The following YY1AP1 variants were observed in gnomAD, a reference collection of about 807,000 sequenced individuals.
YY1AP1 encodes the protein YY1 associated protein 1.
Under a neutral mutation model 39.9 loss-of-function variants are expected in YY1AP1, and 43 were observed. The observed-to-expected ratio is 1.08, with a 90% CI of 0.84 to 1.39. The LOEUF is 1.39. Ranked by LOEUF, YY1AP1 falls within the 40% of genes most tolerant of loss-of-function variation. YY1AP1 has a pLI of 0.00. For synonymous variants in YY1AP1, 292 were observed against 331.3 expected (o/e 0.88, Z 1.29); for missense variants, 813 against 900.7 (o/e 0.90, Z 1.25).
Position 155,674,992 on chromosome 1 carries a change from G to A in YY1AP1, c.411+18C>T, listed in dbSNP as rs748104729. 1.6e-5 allele frequency: 26 copies of A among 1,602,638 alleles called. No individual in the cohort carries two copies. The highest frequency in any genetic ancestry group is 5.4e-5 in the African/African-American group (4 of 74,576). ...TTTATATTCTAGTCTATAGAATTAC[G>A]GCAATTTGGAAACTTACAAGACATA... On this transcript the variant is annotated intron_variant, in intron 6 of 10. Coordinates refer to ENST00000355499, the MANE Select transcript of YY1AP1 (RefSeq NM_139119.3).
At chr1:155,684,868 G>T (rs114451693) in intron 2 of YY1AP1, among the ~76,000 whole-genome samples, 1 of 152,268 alleles carries the variant, frequency 6.6e-6, no homozygotes, top group African/African-American at 2.4e-5. Context: ...TTACAGGCGT[G>T]AGCCACCCCA....
chr1:155,660,614 T>C lies in YY1AP1; in HGVS notation c.1296A>G (p.Thr432=), dbSNP rs776030584. The C allele has an allele frequency of 1.2e-6, 2 of 1,614,156 alleles. No individual in the cohort carries two copies. The highest frequency in any genetic ancestry group is 1.7e-6 in the Non-Finnish European group (2 of 1,180,020). The change falls in exon 11 of 11, where the codon ACA becomes ACG. Residue 432 remains threonine (T), a synonymous_variant. Coordinates refer to ENST00000355499, the MANE Select transcript of YY1AP1 (RefSeq NM_139119.3). ...CTTCTGAATGAGTTGATTGGGCTGG[T>C]GTTTTCCCAGGGTTGAAGCTGGGCT... is the stretch of plus-strand genomic sequence containing the variant. ...SLQPSFNPGK[T]PAQSTHSEAP...
In YY1AP1 at chr1:155,668,763, C is replaced by G. The variant is rs1649431306; in HGVS notation, c.743G>C (p.Gly248Ala). The stretch of plus-strand genomic sequence containing the variant: ...CTCAGTCCCTTCAAAATGCTTCAGT[C>G]CTAAAGCTAACAAACTGAGAAAGGA... ...TKAEDNLLAL[G>A]LKHFEGTEFL... The change falls in exon 9 of 11, where the codon GGA (glycine) becomes GCA (alanine). Residue 248 changes from glycine (G) to alanine (A), a missense_variant. This residue lies in a region of YY1AP1 where 586 missense variants were observed against 647.4 expected (regional missense o/e 0.91). Coordinates refer to ENST00000355499, the MANE Select transcript of YY1AP1 (RefSeq NM_139119.3). 6.2e-7 allele frequency: 1 copy of G among 1,614,028 alleles called. No homozygotes were observed. The highest frequency in any genetic ancestry group is 8.5e-7 in the Non-Finnish European group (1 of 1,180,046).
intron 9 of YY1AP1, among the ~76,000 whole-genome samples, chr1:155,663,718 CAAAACAAACAAACAAACAAAAACAA>C (rs1250200791): frequency 6.1e-4 from 93 of 151,650 alleles, no homozygotes; most frequent in Non-Finnish European, 1.8e-4. Context: ...GACTCTGTCT[CAAAACAAACAAACAAACAAAAACAA>C]AAAGAAAGTA....
In YY1AP1 at chr1:155,668,711, G is replaced by A. The variant is rs749505683; in HGVS notation, c.795C>T (p.Tyr265=). 6.2e-7 allele frequency: 1 copy of A among 1,614,152 alleles called. No homozygotes were observed. Among genetic ancestry groups the A allele is most frequent in the Non-Finnish European group, 8.5e-7 (1 of 1,180,042 alleles). The stretch of plus-strand genomic sequence containing the variant: ...GGCGGGCAGTCTTGCAGGTTAGAAG[G>A]TACTTGCTGATTAGAGGGTTAAGAA... ...TEFLNPLISK[Y]LLTCKTARQL... is the part of the protein sequence containing the mutation. Residue 265 remains tyrosine (Y), a synonymous_variant, in exon 9 of 11, where the codon TAC becomes TAT. Transcript: ENST00000355499.
chr1:155,665,588 C>T (rs372837131), intron 9 of YY1AP1, among the ~76,000 whole-genome samples: 9 of 150,746 alleles, frequency 6.0e-5, no homozygotes, highest in Non-Finnish European at 7.4e-5. Context: ...GGCAACAAAG[C>T]GAGACTCGGT....
At chr1:155,682,235 CA>C (rs1651625433) in intron 2 of YY1AP1, among the ~76,000 whole-genome samples, 1 of 151,862 alleles carries the variant, frequency 6.6e-6, no homozygotes, top group Non-Finnish European at 1.5e-5. Context: ...TTGGCTATCT[CA>C]TTTTTTTTTA....
intron 6 of YY1AP1, among the ~76,000 whole-genome samples, chr1:155,673,004 C>G (rs1650081668): frequency 6.6e-6 from 1 of 152,046 alleles, no homozygotes; most frequent in Non-Finnish European, 1.5e-5. Context: ...AGAATGGGGA[C>G]TATTACTTTA....
intron 4 of YY1AP1, among the ~76,000 whole-genome samples, chr1:155,678,675 T>C (rs1236946521): frequency 2.0e-5 from 3 of 152,180 alleles, no homozygotes; most frequent in Admixed American, 6.6e-5. Flanking sequence ...TTTCACTAAA[T>C]TGGAAAATCC....
At chr1:155,670,834 C>T in intron 7 of YY1AP1, 1 of 230,944 alleles carries the variant, frequency 4.3e-6, no homozygotes, top group East Asian at 1.1e-4. Flanking sequence ...GCCACCACGC[C>T]TGGCTGATTT....
Position 155,670,386 on chromosome 1 carries a change from A to G in YY1AP1, c.662T>C (p.Leu221Pro), listed in dbSNP as rs1649675006. 6.2e-7 allele frequency: 1 copy of G among 1,613,788 alleles called. No individual in the cohort carries two copies. Among genetic ancestry groups the G allele is most frequent in the Non-Finnish European group, 8.5e-7 (1 of 1,180,026 alleles). ...TSKVFMYPEL[L>P]PVCSLKAKNP... ...CTTTGCCTTCAGGGAACACACTGGA[A>G]GTAACTCTGGATACATGAAAACCTT... Residue 221 changes from leucine (L) to proline (P), a missense_variant, in exon 8 of 11, where the codon CTT becomes CCT. Leu to Pro is a moderately conservative substitution (Grantham distance 98). Transcript: ENST00000355499.
chr1:155,680,742 T>C (rs1651394091), intron 2 of YY1AP1, among the ~76,000 whole-genome samples: 1 of 152,100 alleles, frequency 6.6e-6, no homozygotes, highest in Non-Finnish European at 1.5e-5. Flanking sequence ...AATTCTTCCA[T>C]ATTTTGTAGA....
At chr1:155,688,807 C>A, upstream of YY1AP1, 12 of 1,557,390 alleles carry the variant, frequency 7.7e-6, no homozygotes, top group South Asian at 1.4e-4. Context: ...ACAGTCCCCA[C>A]CGCGGGACTG....
In YY1AP1 at chr1:155,688,078, G is replaced by A. The variant is rs776703782; in HGVS notation, c.-28C>T. 1.3e-5 allele frequency: 20 copies of A among 1,585,192 alleles called. No individual in the cohort carries two copies. Among genetic ancestry groups the A allele is most frequent in the Admixed American group, 3.5e-5 (2 of 57,282 alleles). The stretch of plus-strand genomic sequence containing the variant: ...CCAAATCGTTCTACTCACCGTGTCG[G>A]AGGCCGAGAGCGATGAGAGTACAGG... On this transcript the variant is annotated 5_prime_UTR_variant, in exon 2 of 11. Transcript: ENST00000355499.
chr1:155,679,129 GT>G (rs1346380141), intron 4 of YY1AP1: 1 of 1,358,054 alleles, frequency 7.4e-7, no homozygotes, highest in African/African-American at 1.5e-5. Flanking sequence ...GCCACATTGA[GT>G]CCTACATACC....
intron 4 of YY1AP1, chr1:155,679,089 T>C (rs1471132206): frequency 9.7e-6 from 12 of 1,238,794 alleles, no homozygotes; most frequent in Non-Finnish European, 1.2e-5. Flanking sequence ...ACAGACTGGA[T>C]ATTACAATAT....
intron 2 of YY1AP1, among the ~76,000 whole-genome samples, chr1:155,686,026 C>CTTTTT (rs768966023): frequency 2.6e-5 from 2 of 76,338 alleles, no homozygotes; most frequent in African/African-American, 1.2e-4. Flanking sequence ...TGAAATCAGT[C>CTTTTT]TTTTTTTTTT....
In YY1AP1 at chr1:155,659,471, AGATT is replaced by A. The variant is rs1647687529; in HGVS notation, c.*182_*185del. On this transcript the variant is annotated 3_prime_UTR_variant, in exon 11 of 11. Coordinates refer to ENST00000355499, the MANE Select transcript of YY1AP1 (RefSeq NM_139119.3). ...TGAAACAATGAAGCAATAAAAGCAC[AGATT>A]TATTGAAGCAAAAGTATATTCCACA... The A allele has an allele frequency of 1.6e-6, 1 of 635,784 alleles. No homozygotes were observed. The highest frequency in any genetic ancestry group is 3.1e-4 in the Middle Eastern group (1 of 3,198). The allele number at this position is 635,784 out of a possible 1,614,324, so 39.4% of individuals were successfully genotyped here.
chr1:155,671,288 A>G (rs1406039276), intron 7 of YY1AP1, among the ~76,000 whole-genome samples: 3 of 152,030 alleles, frequency 2.0e-5, no homozygotes, highest in Admixed American at 2.0e-4. Flanking sequence ...AAAATTAGCC[A>G]GGCATGGTGG....
Sources: allele counts gnomAD v4.1 joint callset (sites outside exome capture counted in the v4.1 genomes callset), GRCh38; gene constraint gnomAD v4.1.1; regional missense constraint gnomAD v4.1.1; transcripts MANE v1.5; gene names NCBI Gene and HGNC (gene_info 2026-07-23, HGNC 2026-07-21).